The following DNAH10 variants were observed in gnomAD, a reference collection of about 807,000 sequenced individuals.
DNAH10 encodes dynein axonemal heavy chain 10, also known as axonemal beta dynein heavy chain 10.
Under a neutral mutation model 506.6 loss-of-function variants are expected in DNAH10, and 348 were observed. The ratio of observed to expected loss-of-function variants is 0.69; its 90% CI spans 0.63 to 0.75. DNAH10 has a LOEUF of 0.75. Among genes scored for constraint, DNAH10 ranks in the 30% least tolerant of loss-of-function variants. The probability of loss-of-function intolerance (pLI) is 0.00; values close to 1 mark genes in which losing one functional copy is unlikely to be tolerated. For missense variants in DNAH10, 5,179 were observed against 5,787.1 expected, an observed-to-expected ratio of 0.89 and a Z score of 3.41; for synonymous variants, 2,059 against 2,198.6, an observed-to-expected ratio of 0.94 and a Z score of 1.78.
chr12:123,850,989 G>A lies in DNAH10; in HGVS notation c.6204G>A (p.Ala2068=), dbSNP rs1380633792. 6.8e-6 allele frequency: 11 copies of A among 1,613,958 alleles called. No homozygotes were observed. The highest frequency in any genetic ancestry group is 4.5e-5 in the East Asian group (2 of 44,898). Residue 2068 remains alanine (A), a synonymous_variant, in exon 35 of 79, where the codon GCG becomes GCA. Coordinates refer to ENST00000673944, the MANE Select transcript of DNAH10 (RefSeq NM_001372106.1). This position sits in a 1 kb window ranked among gnomAD's most constrained non-coding sequence, Gnocchi z 5.5. ...GRTELPESVK[A]LFRPVVVIVP... ...CGGAGCTGCCCGAGTCGGTGAAGGC[G>A]CTGTTCAGGCCTGTGGTCGTGATCG...
In DNAH10 at chr12:123,789,905, A is replaced by G. The variant is rs773595858; in HGVS notation, c.1621-22A>G. ...AGGAAAACCCAAATGTAATCTCCTC[A>G]TTGTTCCGTTTGATTGGACAGATTT... On this transcript the variant is annotated intron_variant, in intron 10 of 78. Transcript: ENST00000673944. 9 of 1,603,312 alleles carry G rather than the reference A, an allele frequency of 5.6e-6. No individual in the cohort carries two copies. In the East Asian group the frequency reaches 1.1e-4, roughly 20 times the overall value.
intron 18 of DNAH10, among the ~76,000 whole-genome samples, chr12:123,807,337 C>T (rs1034378767): frequency 2.0e-5 from 3 of 152,082 alleles, no homozygotes; most frequent in Non-Finnish European, 4.4e-5. Context: ...ATAGAGAAGG[C>T]AGGACACAGG....
At chr12:123,805,414 C>T (rs1344110436) in intron 18 of DNAH10, among the ~76,000 whole-genome samples, 1 of 152,154 alleles carries the variant, frequency 6.6e-6, no homozygotes, top group Non-Finnish European at 1.5e-5. Flanking sequence ...TCAAGTCAGC[C>T]CCTAGTTAGC....
chr12:123,842,482 G>A (rs1435299785), intron 30 of DNAH10, among the ~76,000 whole-genome samples: 1 of 152,190 alleles, frequency 6.6e-6, no homozygotes, highest in Non-Finnish European at 1.5e-5. Flanking sequence ...CAGGGCCTTC[G>A]TGCAGACATA....
At chr12:123,837,578 G>T (rs1961294445) in intron 28 of DNAH10, among the ~76,000 whole-genome samples, 2 of 142,062 alleles carry the variant, frequency 1.4e-5, no homozygotes, top group African/African-American at 2.9e-5. Flanking sequence ...AAATATGATT[G>T]TTCTTTTTTT....
intron 65 of DNAH10, among the ~76,000 whole-genome samples, chr12:123,921,578 C>A (rs907709824): frequency 1.3e-5 from 2 of 151,744 alleles, no homozygotes; most frequent in Non-Finnish European, 2.9e-5. Flanking sequence ...AGTTCCTGAG[C>A]TTTTGATGTG....
intron 51 of DNAH10, among the ~76,000 whole-genome samples, chr12:123,882,705 T>C (rs1194865625): frequency 7.3e-6 from 1 of 136,910 alleles, no homozygotes; most frequent in Non-Finnish European, 1.5e-5. Context: ...GGCAGGAGAA[T>C]CACTTGAACC....
At chr12:123,830,781 A>G (rs1420996624) in intron 26 of DNAH10, 82 bp downstream of exon 26, 15 of 461,412 alleles carry the variant, frequency 3.3e-5, no homozygotes, top group Admixed American at 6.4e-5. Flanking sequence ...CATCTATACT[A>G]AAAAAAAAAA....
intron 13 of DNAH10, among the ~76,000 whole-genome samples, chr12:123,797,864 G>A (rs1167222832): frequency 1.3e-5 from 2 of 152,202 alleles, no homozygotes; most frequent in African/African-American, 4.8e-5. Context: ...AGCAGAGGCT[G>A]GTAAGCCATT....
chr12:123,875,543 A>C, intron 47 of DNAH10, 52 bp downstream of exon 47: 1 of 1,604,768 alleles, frequency 6.2e-7, no homozygotes, highest in Non-Finnish European at 8.5e-7. Context: ...TGTTGGGGGG[A>C]AACATACACA....
chr12:123,779,564 A>G (rs1028470536), intron 5 of DNAH10, among the ~76,000 whole-genome samples: 5 of 151,730 alleles, frequency 3.3e-5, no homozygotes, highest in African/African-American at 9.7e-5. Flanking sequence ...GAACATTTCA[A>G]TTTTGGAACC....
At chr12:123,825,931 G>A (rs1302906454) in intron 24 of DNAH10, among the ~76,000 whole-genome samples, 1 of 151,986 alleles carries the variant, frequency 6.6e-6, no homozygotes, top group Non-Finnish European at 1.5e-5. Context: ...GGCCAGCCTA[G>A]GCAACCTAGC....
Position 123,925,020 on chromosome 12 carries a change from C to G in DNAH10, c.11767-30C>G, listed in dbSNP as rs372478286. ...GGGACCTATGTCATTTCTGAGTTGA[C>G]GCACAATGAATATTCTTTGCTTTTC... On this transcript the variant is annotated intron_variant, in intron 67 of 78. Transcript: ENST00000673944. This position sits in a 1 kb window ranked among gnomAD's most constrained non-coding sequence, Gnocchi z 4.0. 6.2e-7 allele frequency: 1 copy of G among 1,611,262 alleles called. No homozygotes were observed. Among genetic ancestry groups the G allele is most frequent in the Admixed American group, 1.7e-5 (1 of 59,844 alleles).
rs145614363 is a variant in DNAH10, at chr12:123,783,166, G to A, written c.901G>A (p.Ala301Thr). 1.6e-3 allele frequency: 2,602 copies of A among 1,614,202 alleles called. 6 individuals are homozygous for A. The highest frequency in any genetic ancestry group is 2.0e-3 in the Non-Finnish European group (2,418 of 1,180,034). The change falls in exon 7 of 79, where the codon GCT becomes ACT. Residue 301 changes from alanine (A) to threonine (T), a missense_variant. Around this residue, in one of 3 missense-constraint regions of DNAH10, gnomAD observed 4,844 missense variants for 5,430.5 expected, o/e 0.89. Transcript: ENST00000673944. ...GGAGGGAGAGGTGTCTGACCTGGCA[G>A]CTGACCCGGAAACCGTTGACATCTT... is the stretch of plus-strand genomic sequence containing the variant. ...SVEGEVSDLA[A>T]DPETVDILEQ...
rs1400048931 is a variant in DNAH10, at chr12:123,813,582, GA to G, written c.3567del (p.Lys1189AsnfsTer50). On this transcript the variant is annotated frameshift_variant, in exon 20 of 79. Coordinates refer to ENST00000673944, the MANE Select transcript of DNAH10 (RefSeq NM_001372106.1). LOFTEE classifies it high-confidence loss of function. ...GCCAAGTCCTGGGTGATTTCGCTTG[GA>G]AAACTTCTCAATGAGTCAGCAAAAG... ...ENAKSWVISL[G>X]KLLNESAKEE... 6.2e-7 allele frequency: 1 copy of G among 1,614,172 alleles called. No homozygotes were observed. The highest frequency in any genetic ancestry group is 1.7e-5 in the Admixed American group (1 of 60,024).
At chr12:123,901,141 A>T (rs1298821583) in intron 56 of DNAH10, among the ~76,000 whole-genome samples, 1 of 152,096 alleles carries the variant, frequency 6.6e-6, no homozygotes, top group African/African-American at 2.4e-5. Context: ...CCTCAGCATG[A>T]CTCAAGCACC....
intron 78 of DNAH10, among the ~76,000 whole-genome samples, 164 bp from the exon 79 acceptor site, chr12:123,935,171 G>A (rs544444059): frequency 2.0e-5 from 3 of 152,222 alleles, no homozygotes; most frequent in Admixed American, 6.5e-5. Context: ...CCAGGTCCCC[G>A]TGAAGCTGGC....
At chr12:123,934,886 C>G in intron 78 of DNAH10, 120 bp downstream of exon 78, 3 of 1,325,424 alleles carry the variant, frequency 2.3e-6, no homozygotes, top group Non-Finnish European at 3.1e-6. Context: ...GCTTTATGGG[C>G]TGGGGAGAGT....
At chr12:123,807,437 G>A (rs922381424) in intron 18 of DNAH10, among the ~76,000 whole-genome samples, 4 of 152,128 alleles carry the variant, frequency 2.6e-5, no homozygotes, top group Admixed American at 2.0e-4. Flanking sequence ...GTAATTGGGT[G>A]GTCAAGAAAG....
Sources: allele counts gnomAD v4.1 joint callset (sites outside exome capture counted in the v4.1 genomes callset), GRCh38; gene constraint gnomAD v4.1.1; regional missense constraint gnomAD v4.1.1; non-coding constraint Gnocchi (gnomAD v3.1); transcripts MANE v1.5; gene names NCBI Gene and HGNC (gene_info 2026-07-23, HGNC 2026-07-21).